Variants in RPGR observed in about 807,000 individuals in gnomAD.
The protein encoded by RPGR is X-linked retinitis pigmentosa GTPase regulator.
RPGR carries 10 observed loss-of-function variants against 56.3 expected under a neutral mutation model. The observed-to-expected ratio is 0.18, with a 90% confidence interval of 0.11 to 0.30. The LOEUF is 0.30. Among genes scored for constraint, RPGR ranks in the 10% least tolerant of loss-of-function variants. RPGR has a pLI of 1.00. For missense variants in RPGR, 538 were observed against 590.9 expected (o/e 0.91, Z 0.93); for synonymous variants, 197 against 212.9 (o/e 0.93, Z 0.65).
intron 18 of RPGR, among the ~76,000 whole-genome samples, chrX:38,270,179 T>C (rs1375709910): frequency 9.0e-6 from 1 of 111,523 alleles, no homozygotes; most frequent in East Asian, 2.8e-4. Flanking sequence ...TTGTAACTTT[T>C]AAATGTATCC....
At position 38,317,383 on chromosome X, in the gene RPGR, C is replaced by A. The variant is rs5963403; in HGVS notation, c.552G>T (p.Gln184His). ...AGACAGGTTTCCCAATGGTCACTTGCTGAGGGACACAGACATTACTTACAT... is the reference window on the plus strand; with the variant it reads ...AGACAGGTTTCCCAATGGTCACTTGATGAGGGACACAGACATTACTTACAT... The change falls in exon 6 of 19, where the codon CAG (glutamine) becomes CAT (histidine). Residue 184 changes from glutamine (Q) to histidine (H), a missense_variant. Around this residue, in one of 2 missense-constraint regions of RPGR, gnomAD observed 181 missense variants for 265.1 expected, o/e 0.68. Transcript: ENST00000642395. 4,457 of 1,205,773 alleles carry A rather than the reference C, an allele frequency of 3.7e-3. 100 individuals carry two copies. In the African/African-American group the frequency reaches 0.069, roughly 19 times the overall value.
intron 7 of RPGR, among the ~76,000 whole-genome samples, chrX:38,309,967 C>CT (rs768217646): frequency 4.9e-4 from 54 of 110,922 alleles, no homozygotes; most frequent in African/African-American, 1.7e-3. Context: ...GGGTGAGAAT[C>CT]TTTTTTTTGT....
chrX:38,310,879 C>T, intron 6 of RPGR, 106 bp from the exon 7 acceptor site: 1 of 642,023 alleles, frequency 1.6e-6, no homozygotes, highest in Non-Finnish European at 2.5e-6. Flanking sequence ...TACATTTGAC[C>T]TTTCTTGAGA....
intron 1 of RPGR, among the ~76,000 whole-genome samples, chrX:38,324,454 C>A (rs749064312): frequency 9.1e-6 from 1 of 110,415 alleles, no homozygotes; most frequent in Non-Finnish European, 1.9e-5. Flanking sequence ...ACCCATAAAA[C>A]CGGAGACAGC....
chrX:38,315,836 T>G (rs188410144), intron 6 of RPGR, among the ~76,000 whole-genome samples: 3,446 of 86,772 alleles, frequency 0.04, 59 homozygotes, highest in African/African-American at 0.065. Flanking sequence ...TATATATATA[T>G]ATAGAGAGAG....
intron 13 of RPGR, among the ~76,000 whole-genome samples, chrX:38,288,613 G>C (rs964785269): frequency 9.0e-6 from 1 of 111,001 alleles, no homozygotes; most frequent in Non-Finnish European, 1.9e-5. Context: ...GCTGAGGCAG[G>C]AGAATTGCTT....
intron 8 of RPGR, among the ~76,000 whole-genome samples, chrX:38,302,389 T>C (rs187820068): frequency 3.6e-5 from 4 of 111,132 alleles, no homozygotes; most frequent in African/African-American, 3.3e-5. Flanking sequence ...CAGCAGTACA[T>C]AGAAAGCCTC....
chrX:38,271,345 T>C (rs2066838156), intron 18 of RPGR, among the ~76,000 whole-genome samples: 1 of 111,816 alleles, frequency 8.9e-6, no homozygotes, highest in South Asian at 3.7e-4. Context: ...AAATGCTGAT[T>C]AAGTATAAAA....
In RPGR at chrX:38,320,976, G is replaced by A. The variant is rs894739620; in HGVS notation, c.310+51C>T. The A allele has an allele frequency of 7.5e-6, 7 of 933,802 alleles. No individual in the cohort carries two copies. In the African/African-American group the frequency reaches 1.1e-4, roughly 15 times the overall value. 77.0% of individuals were successfully genotyped at this position (933,802 alleles called of 1,213,427 possible). On this transcript the variant is annotated intron_variant, in intron 4 of 18. Coordinates refer to ENST00000642395, the MANE Select transcript of RPGR (RefSeq NM_000328.3). The stretch of plus-strand genomic sequence containing the variant: ...TTACAAAGCCACGTTACTGGAATGA[G>A]ACCTCAGTTCTCAAAGTCAGGCAGG...
At chrX:38,308,609 A>G (rs1445779595) in intron 7 of RPGR, among the ~76,000 whole-genome samples, 1 of 112,007 alleles carries the variant, frequency 8.9e-6, no homozygotes, top group Non-Finnish European at 1.9e-5. Context: ...GAGAAAATAT[A>G]TAACACATAA....
chrX:38,279,423 A>C (rs758298785), intron 15 of RPGR, among the ~76,000 whole-genome samples: 1 of 111,129 alleles, frequency 9.0e-6, no homozygotes, highest in Admixed American at 9.6e-5. Context: ...GGTCTGGCCC[A>C]AGGCAACACT....
intron 1 of RPGR, among the ~76,000 whole-genome samples, chrX:38,324,268 C>T (rs750342909): frequency 3.6e-5 from 4 of 111,069 alleles, no homozygotes; most frequent in African/African-American, 9.8e-5. Context: ...AATTTTTGCA[C>T]AGACTGGGTT....
At chrX:38,298,599 A>T (rs2067440891) in intron 10 of RPGR, among the ~76,000 whole-genome samples, 1 of 111,326 alleles carries the variant, frequency 9.0e-6, no homozygotes, top group Non-Finnish European at 1.9e-5. Context: ...CTACCATAAT[A>T]AAAAAAAGCA....
intron 9 of RPGR, among the ~76,000 whole-genome samples, chrX:38,300,899 G>A (rs1029964327): frequency 8.9e-6 from 1 of 111,733 alleles, no homozygotes; most frequent in Admixed American, 9.6e-5. Context: ...ATTTAATTCA[G>A]CAAATATTTA....
At chrX:38,325,189 A>AG (rs2068027946) in intron 1 of RPGR, among the ~76,000 whole-genome samples, 1 of 108,651 alleles carries the variant, frequency 9.2e-6, no homozygotes, top group South Asian at 4.1e-4. Context: ...AAAAAAAAAA[A>AG]AAAGTCACTG....
chrX:38,299,287 G>C, intron 9 of RPGR, 146 bp from the exon 10 acceptor site: 1 of 549,051 alleles, frequency 1.8e-6, no homozygotes. Flanking sequence ...ATACGTATGT[G>C]TGTGCACAAT....
chrX:38,289,339 A>G (rs2067245006), intron 13 of RPGR, among the ~76,000 whole-genome samples: 1 of 112,237 alleles, frequency 8.9e-6, no homozygotes, highest in Non-Finnish European at 1.9e-5. Flanking sequence ...ATGAAAGAAC[A>G]CTAAGGAAAG....
At chrX:38,304,153 T>C (rs770713986) in intron 8 of RPGR, among the ~76,000 whole-genome samples, 4 of 111,481 alleles carry the variant, frequency 3.6e-5, no homozygotes, top group Non-Finnish European at 7.5e-5. Context: ...GGGTCCCTTC[T>C]CTCTAACACG....
chrX:38,315,669 T>C (rs1261950408), intron 6 of RPGR, among the ~76,000 whole-genome samples: 4 of 110,629 alleles, frequency 3.6e-5, no homozygotes, highest in Non-Finnish European at 7.6e-5. Flanking sequence ...ATCAAAATAA[T>C]TGTACATTTT....
Sources: gnomAD v4.1 joint callset for allele counts (sites outside exome capture counted in the v4.1 genomes callset) on GRCh38, gnomAD v4.1.1 for gene constraint, gnomAD v4.1.1 regional missense constraint, MANE v1.5 for transcripts, NCBI Gene and HGNC (gene_info 2026-07-23, HGNC 2026-07-21) for gene names.